The following LYSMD4 variants were observed in gnomAD, a reference collection of about 807,000 sequenced individuals.
LYSMD4 encodes LysM domain containing 4.
A neutral mutation model predicts 6.1 loss-of-function variants in LYSMD4; 9 were observed. That is an observed-to-expected ratio of 1.47 (90% confidence interval 0.88 to 2.56). The LOEUF is 2.56. Ranked by LOEUF, LYSMD4 falls within the 30% of genes most tolerant of loss-of-function variation. The pLI, the probability that LYSMD4 is intolerant of heterozygous loss-of-function variation, is 0.00. For missense variants in LYSMD4, 384 were observed against 373.5 expected (o/e 1.03, Z -0.23); for synonymous variants, 143 against 148.5 (o/e 0.96, Z 0.27).
At chr15:99,719,321 T>G (rs991505262), upstream of LYSMD4, among the ~76,000 whole-genome samples, 1 of 152,218 alleles carries the variant, frequency 6.6e-6, no homozygotes, top group Admixed American at 6.5e-5. Context: ...CTCCCCATCC[T>G]AGTTGGTTTT....
At chr15:99,729,759 A>G (rs755017911) in intron 2 of LYSMD4, 28 bp from the exon 3 acceptor site, 3 of 1,572,420 alleles carry the variant, frequency 1.9e-6, no homozygotes, top group Non-Finnish European at 2.6e-6. Context: ...TAAACATCAT[A>G]AAATATGCGG....
downstream of LYSMD4, among the ~76,000 whole-genome samples, chr15:99,726,149 T>TTTTTTG (rs2059278975): frequency 7.7e-6 from 1 of 129,300 alleles, no homozygotes; most frequent in Non-Finnish European, 1.7e-5. Context: ...TCAAGTGGTT[T>TTTTTTG]TTTTTTTTTT....
downstream of LYSMD4, among the ~76,000 whole-genome samples, chr15:99,725,306 T>G (rs2059269294): frequency 6.6e-6 from 1 of 152,226 alleles, no homozygotes; most frequent in Non-Finnish European, 1.5e-5. Context: ...CAGAACATGT[T>G]CCTTGTAAAT....
At chr15:99,719,889 A>G (rs2059225164), upstream of LYSMD4, among the ~76,000 whole-genome samples, 1 of 152,194 alleles carries the variant, frequency 6.6e-6, no homozygotes, top group South Asian at 2.1e-4. Context: ...TGAGAAGTGT[A>G]TCTCAATGTT....
At chr15:99,730,048 G>C (rs1417741278) in intron 2 of LYSMD4, among the ~76,000 whole-genome samples, 1 of 152,148 alleles carries the variant, frequency 6.6e-6, no homozygotes, top group Non-Finnish European at 1.5e-5. Flanking sequence ...AAATCGCTTT[G>C]GGCGAAACCA....
upstream of LYSMD4, chr15:99,721,082 A>C (rs2059233949): frequency 3.1e-5 from 4 of 129,920 alleles, 1 homozygote; most frequent in South Asian, 1.1e-3. Context: ...AGATCATGAG[A>C]TCCCCTCTGG....
downstream of LYSMD4, among the ~76,000 whole-genome samples, chr15:99,726,395 C>T (rs1468475370): frequency 1.3e-5 from 2 of 152,224 alleles, no homozygotes; most frequent in African/African-American, 4.8e-5. Context: ...CCATCCGCCT[C>T]GGCCTTCCAA....
chr15:99,724,255 T>C (rs1436303829), downstream of LYSMD4, among the ~76,000 whole-genome samples: 3 of 144,214 alleles, frequency 2.1e-5, no homozygotes, highest in African/African-American at 8.8e-5. Context: ...TAGGTCTTTT[T>C]TAAAAATTAT....
chr15:99,726,975 G>T (rs1387657819), downstream of LYSMD4, among the ~76,000 whole-genome samples: 2 of 152,146 alleles, frequency 1.3e-5, no homozygotes, highest in African/African-American at 4.8e-5. Context: ...GCCCCAAGTT[G>T]GTGGCCAGGT....
At chr15:99,716,819 TCA>T (rs2059184262) in exon 1 of LYSMD4, 2 of 385,344 alleles carry the variant, frequency 5.2e-6, no homozygotes, top group Non-Finnish European at 1.0e-5. Context: ...TAACTGCTTC[TCA>T]CAGGAAATAC....
intron 1 of LYSMD4, among the ~76,000 whole-genome samples, chr15:99,732,524 T>G (rs1402558227): frequency 6.6e-6 from 1 of 152,236 alleles, no homozygotes; most frequent in Non-Finnish European, 1.5e-5. Context: ...ACAGTTTAAC[T>G]CACAGTATGT....
rs554851896 is a variant in LYSMD4 at position 99,730,934 on chromosome 15, A to G, written c.282+784T>C. On this transcript the variant is annotated intron_variant, in intron 2 of 2. Coordinates refer to ENST00000684762, the MANE Select transcript of LYSMD4 (RefSeq NM_001284417.2). ...TTGTCAGTACAATTTAAAGACCACT[A>G]TGTGTCCCCGGAGACCAACCTGTTT... Among the ~76,000 whole-genome samples the G allele has an allele frequency of 3.3e-5, 5 of 152,290 alleles. No individual in the cohort carries two copies. In the East Asian group the frequency reaches 9.6e-4, roughly 29 times the overall value.
At position 99,729,136 on chromosome 15, in the gene LYSMD4, T is replaced by C. The variant is rs149471133; in HGVS notation, c.878A>G (p.Gln293Arg). ...SADSQFSQTT[Q>R]AGS is the part of the protein sequence containing the mutation. ...TAAAAACAAAGCTTAGCTCCCCGCTTGGGTGGTCTGACTGAACTGGCTGTC... is the reference window on the plus strand; with the variant it reads ...TAAAAACAAAGCTTAGCTCCCCGCTCGGGTGGTCTGACTGAACTGGCTGTC... The change falls in exon 3 of 3, where the codon CAA becomes CGA. Residue 293 changes from glutamine (Q) to arginine (R), a missense_variant. Transcript: ENST00000684762. 2.0e-4 allele frequency: 329 copies of C among 1,613,170 alleles called. No individual in the cohort carries two copies. In the African/African-American group the frequency reaches 3.8e-3, roughly 19 times the overall value.
At chr15:99,723,109 A>G (rs1355067699), downstream of LYSMD4, among the ~76,000 whole-genome samples, 1 of 152,182 alleles carries the variant, frequency 6.6e-6, no homozygotes, top group Non-Finnish European at 1.5e-5. Context: ...GGAAAACAGC[A>G]ATAGAAACTA....
intron 2 of LYSMD4, chr15:99,731,274 G>C (rs2059402845): frequency 1.2e-6 from 2 of 1,601,726 alleles, no homozygotes; most frequent in Non-Finnish European, 1.7e-6. Context: ...CTAAACGAGA[G>C]AAGGTAAAAC....
At chr15:99,732,182 G>C (rs2059435221) in intron 1 of LYSMD4, among the ~76,000 whole-genome samples, 175 bp from the exon 2 acceptor site, 1 of 152,206 alleles carries the variant, frequency 6.6e-6, no homozygotes, top group Non-Finnish European at 1.5e-5. Context: ...GATGGAAGAA[G>C]ATAGGCAGAA....
rs958169175 is a variant in LYSMD4, at chr15:99,728,778, GTCCCTCGACAGAGGCCATAAATCTT to G, written c.*320_*344del. 1 of 290,778 alleles carries G rather than the reference GTCCCTCGACAGAGGCCATAAATCTT, an allele frequency of 3.4e-6. No homozygotes were observed. Among genetic ancestry groups the G allele is most frequent in the African/African-American group, 2.1e-5 (1 of 47,278 alleles). The allele number at this position is 290,778 out of a possible 1,614,324, so 18.0% of individuals were successfully genotyped here. A position where few individuals can be genotyped will look rare whatever the true frequency, so the allele number is the denominator to read the frequency against. The stretch of plus-strand genomic sequence containing the variant: ...GATGCCACTGGCTCTCACGCTGCAG[GTCCCTCGACAGAGGCCATAAATCTT>G]TCCCTCCGAGCACGTCCAACTTGGG... On this transcript the variant is annotated 3_prime_UTR_variant, in exon 3 of 3. Transcript: ENST00000684762.
upstream of LYSMD4, among the ~76,000 whole-genome samples, chr15:99,720,428 C>T (rs554873216): frequency 2.6e-5 from 4 of 152,230 alleles, no homozygotes; most frequent in South Asian, 2.1e-4. Context: ...CGAGACCAGC[C>T]GGGCAGCACA....
At chr15:99,716,289 A>T in exon 1 of LYSMD4, 1 of 345,260 alleles carries the variant, frequency 2.9e-6, no homozygotes, top group Non-Finnish European at 5.7e-6. Context: ...CACAAGCTGG[A>T]CTTTGTTGCC....
Sources: gnomAD v4.1 joint callset for allele counts (sites outside exome capture counted in the v4.1 genomes callset) on GRCh38, gnomAD v4.1.1 for gene constraint, MANE v1.5 for transcripts, NCBI Gene and HGNC (gene_info 2026-07-23, HGNC 2026-07-21) for gene names.